The following KYAT3 variants were observed in gnomAD, a reference collection of about 807,000 sequenced individuals.
The protein encoded by KYAT3 is kynurenine aminotransferase 3.
Under a neutral mutation model 59.0 loss-of-function variants are expected in KYAT3, and 50 were observed. That is an observed-to-expected ratio of 0.85 (90% CI 0.68 to 1.07). The LOEUF (loss-of-function observed/expected upper bound fraction) is 1.07. Ranked by LOEUF, KYAT3 falls within the 50% of genes least tolerant of loss-of-function variation. The pLI is 0.00. For synonymous variants in KYAT3, 148 were observed against 177.0 expected (o/e 0.84, Z 1.30); for missense variants, 497 against 533.3 (o/e 0.93, Z 0.67).
intron 4 of KYAT3, among the ~76,000 whole-genome samples, chr1:88,966,211 T>C (rs1222240173): frequency 4.6e-5 from 7 of 152,164 alleles, no homozygotes; most frequent in Admixed American, 4.6e-4. Context: ...AATATACATA[T>C]TAATAAATAA....
intron 1 of KYAT3, among the ~76,000 whole-genome samples, chr1:88,990,634 A>G (rs973821623): frequency 1.2e-4 from 18 of 152,292 alleles, no homozygotes; most frequent in Non-Finnish European, 2.4e-4. Context: ...ATGGAATTCC[A>G]AGACCTAGAC....
chr1:88,966,930 T>C (rs1316337885), intron 4 of KYAT3, among the ~76,000 whole-genome samples: 5 of 152,120 alleles, frequency 3.3e-5, no homozygotes, highest in Non-Finnish European at 2.9e-5. Context: ...ATTTTCTATA[T>C]ATACTACATA....
intron 8 of KYAT3, among the ~76,000 whole-genome samples, chr1:88,957,851 C>G (rs1447265670): frequency 1.3e-5 from 2 of 152,184 alleles, no homozygotes; most frequent in Non-Finnish European, 2.9e-5. Flanking sequence ...TGATTTTCCA[C>G]TGGGAAACAG....
chr1:88,954,618 C>G (rs144419039), intron 9 of KYAT3, among the ~76,000 whole-genome samples: 2 of 152,034 alleles, frequency 1.3e-5, no homozygotes, highest in African/African-American at 4.8e-5. Flanking sequence ...GGGAAAATGA[C>G]CTAATTTTTC....
chr1:88,926,690 T>G, the KYAT3 span, among the ~76,000 whole-genome samples: 1 of 152,270 alleles, frequency 6.6e-6, no homozygotes, highest in African/African-American at 2.4e-5. Flanking sequence ...ATAGGGAGAC[T>G]CTTGTGGAAG....
At chr1:88,956,729 T>C (rs1419188168) in intron 8 of KYAT3, among the ~76,000 whole-genome samples, 1 of 152,182 alleles carries the variant, frequency 6.6e-6, no homozygotes, top group East Asian at 1.9e-4. Flanking sequence ...TATTTTGGGC[T>C]AAGAAAATGC....
chr1:88,981,453 C>T (rs1677085879), intron 2 of KYAT3: 1 of 153,540 alleles, frequency 6.5e-6, no homozygotes, highest in Non-Finnish European at 1.5e-5. Flanking sequence ...TTACCAATTT[C>T]CTTAATTACT....
chr1:88,988,308 C>G lies in KYAT3; in HGVS notation c.43G>C (p.Ala15Pro), dbSNP rs200307769. 13 of 1,613,774 alleles carry G rather than the reference C, an allele frequency of 8.1e-6. No homozygotes were observed. Among genetic ancestry groups the G allele is most frequent in the Non-Finnish European group, 1.1e-5 (13 of 1,179,774 alleles). Residue 15 changes from alanine (A) to proline (P), a missense_variant, in exon 2 of 14, where the codon GCA becomes CCA. Physicochemically the swap from Ala to Pro is conservative, Grantham distance 27. Transcript: ENST00000260508. ...GAAGAAATTGTCTTCAGGAATTTTG[C>G]TCTACCGCTAAGAGAGCAGAGGCTC... ...QRSLCSLSGR[A>P]KFLKTISSSK...
In KYAT3 at chr1:88,935,835, A is replaced by G. The variant is rs745855764; in HGVS notation, c.*348T>C. On this transcript the variant is annotated 3_prime_UTR_variant, in exon 14 of 14. Transcript: ENST00000260508. ...GCTTTTTGCATACATTAGTCCATTT[A>G]ATTCTCAGAAACGACCTTCATATGA... 2 of 407,830 alleles carry G rather than the reference A, an allele frequency of 4.9e-6. No individual in the cohort carries two copies. Among genetic ancestry groups the G allele is most frequent in the Non-Finnish European group, 8.7e-6 (2 of 230,744 alleles). 25.3% of individuals were successfully genotyped at this position (407,830 alleles called of 1,614,324 possible).
At chr1:88,992,823 A>C (rs2101114129), upstream of KYAT3, 3 of 149,082 alleles carry the variant, frequency 2.0e-5, no homozygotes, top group African/African-American at 4.9e-5. Context: ...GCTTGCGGGA[A>C]CAAGGGGGCG....
intron 2 of KYAT3, among the ~76,000 whole-genome samples, chr1:88,969,858 G>T (rs1190170712): frequency 6.6e-6 from 1 of 151,996 alleles, no homozygotes; most frequent in African/African-American, 2.4e-5. Flanking sequence ...GGGTCTTGTG[G>T]TGTTGCCCAG....
intron 2 of KYAT3, among the ~76,000 whole-genome samples, chr1:88,975,499 C>T (rs909899051): frequency 3.9e-5 from 6 of 152,212 alleles, no homozygotes; most frequent in South Asian, 2.1e-4. Flanking sequence ...GGTCTCTGCT[C>T]TTTTCCCCTG....
At chr1:88,941,467 A>C (rs1393941992) in intron 13 of KYAT3, among the ~76,000 whole-genome samples, 2 of 152,122 alleles carry the variant, frequency 1.3e-5, no homozygotes, top group African/African-American at 4.8e-5. Context: ...TTCATTTGTC[A>C]GGGATATCTA....
At chr1:88,952,197 T>A (rs1349036214) in intron 10 of KYAT3, among the ~76,000 whole-genome samples, 1 of 152,234 alleles carries the variant, frequency 6.6e-6, no homozygotes, top group Admixed American at 6.5e-5. Flanking sequence ...TCATATAACA[T>A]TTCAATGTTT....
chr1:88,987,818 G>A (rs192292341), intron 2 of KYAT3, among the ~76,000 whole-genome samples: 11 of 152,222 alleles, frequency 7.2e-5, no homozygotes, highest in Admixed American at 2.6e-4. Flanking sequence ...GTCCACATTC[G>A]TATCTCTCTG....
downstream of KYAT3, among the ~76,000 whole-genome samples, chr1:88,933,659 TC>T (rs1674956393): frequency 6.6e-6 from 1 of 152,122 alleles, no homozygotes; most frequent in Non-Finnish European, 1.5e-5. Context: ...CTGAGCCAAT[TC>T]TGAGAGTGTG....
Position 88,955,174 on chromosome 1 carries a change from T to C in KYAT3, c.839A>G (p.Lys280Arg), listed in dbSNP as rs762009387. ...CTTCCAGCCAGTTACACTGAAAGTC[T>C]TTCCAGCACTTCCTATTGTTATTGT... is the stretch of plus-strand genomic sequence containing the variant. ...ERTITIGSAG[K>R]TFSVTGWKLG... The change falls in exon 9 of 14, where the codon AAG becomes AGG. Residue 280 changes from lysine (K) to arginine (R), a missense_variant. Transcript: ENST00000260508. 1 of 1,612,434 alleles carries C rather than the reference T, an allele frequency of 6.2e-7. No homozygotes were observed. The highest frequency in any genetic ancestry group is 1.1e-5 in the South Asian group (1 of 91,032).
intron 2 of KYAT3, among the ~76,000 whole-genome samples, chr1:88,985,981 G>C (rs56673908): frequency 0.096 from 14,537 of 152,026 alleles, 778 homozygotes; most frequent in Middle Eastern, 0.19. Context: ...AGTAGTTTGA[G>C]ACCAGCCTGG....
rs1491496484 is a variant in KYAT3, at chr1:88,953,906, T to TTC, written c.865-755_865-754insGA. The stretch of plus-strand genomic sequence containing the variant: ...TGCTCCCTCCTTCTTCTTCTTCTTC[T>TTC]TTTTTTTTTTTTTGAGACGGAGTTT... On this transcript the variant is annotated intron_variant, in intron 9 of 13. Coordinates refer to ENST00000260508, the MANE Select transcript of KYAT3 (RefSeq NM_001008661.3). Among the ~76,000 whole-genome samples the TTC allele has an allele frequency of 8.3e-5, 4 of 48,054 alleles. No homozygotes were observed. In the East Asian group the frequency reaches 2.6e-3, roughly 32 times the overall value. The allele number at this position is 48,054 out of a possible 152,430, so 31.5% of individuals were successfully genotyped here.
Sources: gnomAD v4.1 joint callset for allele counts (sites outside exome capture counted in the v4.1 genomes callset) on GRCh38, gnomAD v4.1.1 for gene constraint, MANE v1.5 for transcripts, NCBI Gene and HGNC (gene_info 2026-07-23, HGNC 2026-07-21) for gene names.